The following PKHD1 variants were observed in gnomAD, a reference collection of about 807,000 sequenced individuals.
PKHD1 encodes fibrocystin.
PKHD1 carries 291 observed loss-of-function variants against 412.0 expected under a neutral mutation model. The ratio of observed to expected loss-of-function variants is 0.71; its 90% CI spans 0.64 to 0.78. The LOEUF is 0.78. Among genes scored for constraint, PKHD1 ranks in the 30% least tolerant of loss-of-function variants. The probability of loss-of-function intolerance (pLI) is 0.00; values close to 1 mark genes in which losing one functional copy is unlikely to be tolerated. For missense variants in PKHD1, 4,825 were observed against 4,950.7 expected (o/e 0.97, Z 0.76); for synonymous variants, 1,777 against 1,821.5 (o/e 0.98, Z 0.62).
intron 35 of PKHD1, among the ~76,000 whole-genome samples, chr6:51,999,909 A>C (rs1798143735): frequency 6.6e-6 from 1 of 152,050 alleles, no homozygotes; most frequent in South Asian, 2.1e-4. Context: ...CCACTAACAC[A>C]CCACACCACA....
At chr6:51,988,820 C>T (rs1311252409) in intron 35 of PKHD1, among the ~76,000 whole-genome samples, 1 of 152,162 alleles carries the variant, frequency 6.6e-6, no homozygotes, top group Non-Finnish European at 1.5e-5. Context: ...GACTAGGACC[C>T]AAGTCTTCCA....
At chr6:51,776,927 G>A (rs1054832136) in intron 53 of PKHD1, among the ~76,000 whole-genome samples, 2 of 151,982 alleles carry the variant, frequency 1.3e-5, no homozygotes, top group African/African-American at 2.4e-5. Context: ...TCAAATTAGC[G>A]TTAGTGAGTA....
Position 51,659,447 on chromosome 6 carries a change from G to C in PKHD1, c.10679C>G (p.Ser3560Cys), listed in dbSNP as rs1431354243. Reference protein sequence around the residue: ...EEPIEIRSGVSIHLALTVMVS... With the variant: ...EEPIEIRSGVCIHLALTVMVS... The stretch of plus-strand genomic sequence containing the variant: ...CATCACAGTGAGGGCCAAGTGAATG[G>C]AAACACCTGAGCGTATTTCAATGGG... Residue 3560 changes from serine (S) to cysteine (C), a missense_variant, in exon 61 of 67, where the codon TCC becomes TGC. Physicochemically the swap from Ser to Cys is moderately radical, Grantham distance 112 (BLOSUM62 -1). Coordinates refer to ENST00000371117, the MANE Select transcript of PKHD1 (RefSeq NM_138694.4). 6.2e-7 allele frequency: 1 copy of C among 1,613,696 alleles called. No individual in the cohort carries two copies. Among genetic ancestry groups the C allele is most frequent in the African/African-American group, 1.3e-5 (1 of 74,984 alleles).
chr6:51,791,221 T>C lies in PKHD1; in HGVS notation c.8440+15A>G. 2.5e-6 allele frequency: 4 copies of C among 1,612,554 alleles called. No individual in the cohort carries two copies. Among genetic ancestry groups the C allele is most frequent in the Non-Finnish European group, 3.4e-6 (4 of 1,178,608 alleles). On this transcript the variant is annotated intron_variant, in intron 53 of 66. Transcript: ENST00000371117. Reference sequence around the variant, plus strand: ...TAATTCTCAACATGCTCGCAATCCTTGTGCCTTTACTCACCAACTTTCAGC... The same window carrying C: ...TAATTCTCAACATGCTCGCAATCCTCGTGCCTTTACTCACCAACTTTCAGC...
rs75409662 is a variant in PKHD1, at chr6:51,676,332, A to G, written c.10157-16363T>C. 7.7e-3 allele frequency among the ~76,000 whole-genome samples: 1,170 copies of G among 152,066 alleles called. 14 individuals are homozygous for G. The highest frequency in any genetic ancestry group is 0.026 in the African/African-American group (1,098 of 41,536). Reference sequence around the variant, plus strand: ...AAATTTAAATAAATGTTCTGACTCAAATGCACATAGAATCCTTCCATATTT... The same window carrying G: ...AAATTTAAATAAATGTTCTGACTCAGATGCACATAGAATCCTTCCATATTT... On this transcript the variant is annotated intron_variant, in intron 60 of 66. Transcript: ENST00000371117.
chr6:51,691,422 T>C (rs530369568), intron 60 of PKHD1, among the ~76,000 whole-genome samples: 1 of 152,260 alleles, frequency 6.6e-6, no homozygotes, highest in African/African-American at 2.4e-5. Context: ...CCATTAATTA[T>C]AGCTTGGTTA....
At chr6:51,821,058 A>T (rs1382303948) in intron 52 of PKHD1, among the ~76,000 whole-genome samples, 1 of 152,136 alleles carries the variant, frequency 6.6e-6, no homozygotes, top group Non-Finnish European at 1.5e-5. Context: ...CCCAACCCCA[A>T]CCAGGGGGGT....
intron 52 of PKHD1, among the ~76,000 whole-genome samples, chr6:51,809,609 G>T (rs1027095515): frequency 6.6e-6 from 1 of 151,818 alleles, no homozygotes; most frequent in African/African-American, 2.4e-5. Context: ...ATCCATGTGG[G>T]GGAGAATCTT....
At chr6:51,685,475 CT>C (rs1777294138) in intron 60 of PKHD1, among the ~76,000 whole-genome samples, 1 of 151,984 alleles carries the variant, frequency 6.6e-6, no homozygotes, top group Admixed American at 6.6e-5. Flanking sequence ...CATACTTGTT[CT>C]CATATTACAA....
intron 36 of PKHD1, among the ~76,000 whole-genome samples, chr6:51,940,792 A>G (rs998889491): frequency 6.6e-6 from 1 of 151,586 alleles, no homozygotes; most frequent in Admixed American, 6.6e-5. Context: ...CTTTTCAAGG[A>G]CCTGTTTCCC....
chr6:51,992,175 G>A (rs1797117903), intron 35 of PKHD1, among the ~76,000 whole-genome samples: 1 of 152,066 alleles, frequency 6.6e-6, no homozygotes, highest in Non-Finnish European at 1.5e-5. Context: ...TCAAGTAAAG[G>A]GTTTCACACA....
chr6:51,929,406 T>A (rs1397265145), intron 37 of PKHD1, among the ~76,000 whole-genome samples: 1 of 152,158 alleles, frequency 6.6e-6, no homozygotes, highest in Admixed American at 6.5e-5. Context: ...CACAAATATA[T>A]AACAGATAAA....
intron 43 of PKHD1, among the ~76,000 whole-genome samples, chr6:51,895,262 T>C (rs1414151882): frequency 2.0e-5 from 3 of 152,198 alleles, no homozygotes; most frequent in Non-Finnish European, 4.4e-5. Flanking sequence ...GAGACTCGCC[T>C]AGGGAACACA....
At chr6:51,971,161 T>A (rs1028592656) in intron 35 of PKHD1, among the ~76,000 whole-genome samples, 51 of 152,362 alleles carry the variant, frequency 3.3e-4, no homozygotes, top group African/African-American at 1.2e-3. Flanking sequence ...GTAAGTATTT[T>A]ATTTGGTTTT....
At position 51,906,269 on chromosome 6, in the gene PKHD1, G is replaced by C. The variant is rs900150542; in HGVS notation, c.6754C>G (p.Leu2252Val). 1 of 1,610,974 alleles carries C rather than the reference G, an allele frequency of 6.2e-7. No homozygotes were observed. Residue 2252 changes from leucine (L) to valine (V), a missense_variant, in exon 41 of 67, where the codon CTG becomes GTG. Coordinates refer to ENST00000371117, the MANE Select transcript of PKHD1 (RefSeq NM_138694.4). ...RGLSMCGTLG[L>V]KVDSNVFYNI... is the part of the protein sequence containing the mutation. ...TAGAATACATTACTGTCCACCTTCA[G>C]GCCCAAGGTCCCGCACATGCTGAGG...
intron 53 of PKHD1, among the ~76,000 whole-genome samples, chr6:51,782,116 T>C (rs1294863588): frequency 5.3e-5 from 8 of 151,936 alleles, no homozygotes; most frequent in Non-Finnish European, 1.5e-5. Context: ...TTATATGGAT[T>C]CATGAATCAA....
At chr6:51,665,655 G>A (rs2150456159) in intron 60 of PKHD1, among the ~76,000 whole-genome samples, 1 of 152,254 alleles carries the variant, frequency 6.6e-6, no homozygotes, top group African/African-American at 2.4e-5. Context: ...ATTGTGAGAA[G>A]CAGCTAATGC....
At chr6:51,926,339 G>T (rs1004369596) in intron 37 of PKHD1, among the ~76,000 whole-genome samples, 1 of 152,156 alleles carries the variant, frequency 6.6e-6, no homozygotes, top group Non-Finnish European at 1.5e-5. Context: ...CCTGGACTCA[G>T]CTGTGCCTCA....
chr6:51,677,714 A>G (rs1399276986), intron 60 of PKHD1, among the ~76,000 whole-genome samples: 1 of 152,172 alleles, frequency 6.6e-6, no homozygotes, highest in African/African-American at 2.4e-5. Flanking sequence ...ATCTCAAAAT[A>G]TTTGTTCTCT....
Sources: allele counts gnomAD v4.1 joint callset (sites outside exome capture counted in the v4.1 genomes callset), GRCh38; gene constraint gnomAD v4.1.1; transcripts MANE v1.5; gene names NCBI Gene and HGNC (gene_info 2026-07-23, HGNC 2026-07-21).